Variants in SV2C observed in about 807,000 individuals in gnomAD.
SV2C encodes the protein solute carrier family 22 member B3.
A neutral mutation model predicts 79.7 loss-of-function variants in SV2C; 49 were observed. The ratio of observed to expected loss-of-function variants is 0.61; its 90% CI spans 0.49 to 0.78. The LOEUF (loss-of-function observed/expected upper bound fraction) is 0.78, where lower values mean the gene tolerates loss of function less well. Ranked by LOEUF, SV2C falls within the 30% of genes least tolerant of loss-of-function variation. The pLI, the probability that SV2C is intolerant of heterozygous loss-of-function variation, is 0.00. For synonymous variants in SV2C, 334 were observed against 333.2 expected, an observed-to-expected ratio of 1.00 and a Z score of -0.03; for missense variants, 833 against 912.9, an observed-to-expected ratio of 0.91 and a Z score of 1.13.
intron 1 of SV2C, among the ~76,000 whole-genome samples, chr5:76,101,142 G>A (rs1336499500): frequency 6.6e-6 from 1 of 152,098 alleles, no homozygotes. Context: ...GGTGATTTGG[G>A]GAGTGGCGAG....
At chr5:75,873,154 G>A in the SV2C span, among the ~76,000 whole-genome samples, 1 of 152,082 alleles carries the variant, frequency 6.6e-6, no homozygotes, top group Non-Finnish European at 1.5e-5. Flanking sequence ...ATGTAGTAAA[G>A]TGTGTGTTAA....
intron 4 of SV2C, among the ~76,000 whole-genome samples, chr5:76,266,550 C>A (rs1418584312): frequency 6.6e-6 from 1 of 152,152 alleles, no homozygotes; most frequent in Non-Finnish European, 1.5e-5. Flanking sequence ...GTGAAATAAG[C>A]CAGTCACAAA....
chr5:76,248,665 C>T (rs1287445346), intron 4 of SV2C, among the ~76,000 whole-genome samples: 1 of 150,828 alleles, frequency 6.6e-6, no homozygotes, highest in Non-Finnish European at 1.5e-5. Context: ...GTCACCCAGG[C>T]TGGAGTGCAG....
the SV2C span, chr5:75,911,000 A>C: frequency 1.0e-6 from 1 of 997,952 alleles, no homozygotes; most frequent in Non-Finnish European, 1.6e-6. Flanking sequence ...CAGTCCTCTT[A>C]CCTCACCTAC....
At chr5:76,262,776 T>C (rs1178913916) in intron 4 of SV2C, among the ~76,000 whole-genome samples, 2 of 152,240 alleles carry the variant, frequency 1.3e-5, no homozygotes, top group Non-Finnish European at 2.9e-5. Context: ...TCTAATTTGA[T>C]TGCACTGTGG....
At chr5:76,195,237 G>T (rs1281935485) in intron 3 of SV2C, 138 bp downstream of exon 3, 1 of 848,028 alleles carries the variant, frequency 1.2e-6, no homozygotes, top group Non-Finnish European at 1.8e-6. Flanking sequence ...AAACCACAAT[G>T]CTGGTTCTTA....
chr5:75,852,169 T>G, the SV2C span, among the ~76,000 whole-genome samples: 2 of 151,450 alleles, frequency 1.3e-5, no homozygotes, highest in Non-Finnish European at 2.9e-5. Context: ...TGTCAGGTGG[T>G]GGGGGGCTGG....
intron 2 of SV2C, among the ~76,000 whole-genome samples, chr5:76,177,114 C>CA (rs11429825): frequency 0.6 from 83,403 of 138,604 alleles, 25,855 homozygotes; most frequent in East Asian, 0.9. Flanking sequence ...GACTCTGTCT[C>CA]AAAAAAAAAA....
At chr5:76,278,365 C>CCTACGTGAGT (rs1163369763) in intron 4 of SV2C, among the ~76,000 whole-genome samples, 16 of 152,024 alleles carry the variant, frequency 1.1e-4, no homozygotes, top group Non-Finnish European at 1.6e-4. Flanking sequence ...ATAAAACAGG[C>CCTACGTGAGT]CTACGTGAGT....
At chr5:75,974,903 A>T in the SV2C span, among the ~76,000 whole-genome samples, 1 of 152,184 alleles carries the variant, frequency 6.6e-6, no homozygotes, top group Non-Finnish European at 1.5e-5. Context: ...AGATTTAAAA[A>T]TTGAGGCTTT....
intron 10 of SV2C, 49 bp from the exon 11 acceptor site, chr5:76,300,680 G>C: frequency 6.4e-7 from 1 of 1,573,294 alleles, no homozygotes; most frequent in Non-Finnish European, 8.7e-7. Context: ...TTATACTGGT[G>C]CATGCCTGGT....
At chr5:75,979,685 C>T in the SV2C span, among the ~76,000 whole-genome samples, 5 of 151,732 alleles carry the variant, frequency 3.3e-5, no homozygotes, top group African/African-American at 9.7e-5. Flanking sequence ...CTAATGAGAA[C>T]GAAGATACAA....
intron 2 of SV2C, among the ~76,000 whole-genome samples, chr5:76,163,723 A>G (rs888996472): frequency 6.6e-6 from 1 of 152,206 alleles, no homozygotes; most frequent in Non-Finnish European, 1.5e-5. Flanking sequence ...ATGAAAACCA[A>G]ATAAGACCTA....
the SV2C span, among the ~76,000 whole-genome samples, chr5:76,072,830 T>A: frequency 6.6e-6 from 1 of 152,238 alleles, no homozygotes; most frequent in Admixed American, 6.5e-5. Flanking sequence ...ATTGTGGTTT[T>A]GATTTGCATT....
At chr5:75,889,946 C>A in the SV2C span, among the ~76,000 whole-genome samples, 4 of 152,072 alleles carry the variant, frequency 2.6e-5, no homozygotes, top group Non-Finnish European at 5.9e-5. Flanking sequence ...CAGTCTTAAG[C>A]ATCACTAATC....
intron 4 of SV2C, among the ~76,000 whole-genome samples, chr5:76,223,444 C>CATATATATATATATATAT (rs70979384): frequency 1.3e-4 from 6 of 45,786 alleles, no homozygotes; most frequent in Non-Finnish European, 2.0e-4. Context: ...TACATACATA[C>CATATATATATATATATAT]ATATATATAT....
chr5:76,218,464 A>G (rs1324775044), intron 4 of SV2C, among the ~76,000 whole-genome samples: 1 of 152,208 alleles, frequency 6.6e-6, no homozygotes, highest in Non-Finnish European at 1.5e-5. Context: ...AGGGGCATGG[A>G]TGAAGCTAGA....
rs1749250806 is a variant in SV2C at position 76,333,827 on chromosome 5, A to T, written c.*8280A>T. 6.6e-6 allele frequency: 1 copy of T among 152,242 alleles called. No individual in the cohort carries two copies. The highest frequency in any genetic ancestry group is 2.4e-5 in the African/African-American group (1 of 41,458). The allele number at this position is 152,242 out of a possible 1,614,324, so 9.4% of individuals were successfully genotyped here. On this transcript the variant is annotated 3_prime_UTR_variant, in exon 13 of 13. Transcript: ENST00000502798. Reference sequence around the variant, plus strand: ...GATGGCTCGTGTACAGCATAAATCTATCAAACTTGGAATTGTGTATACATT... The same window carrying T: ...GATGGCTCGTGTACAGCATAAATCTTTCAAACTTGGAATTGTGTATACATT...
the SV2C span, among the ~76,000 whole-genome samples, chr5:75,920,125 A>G: frequency 6.6e-6 from 1 of 152,224 alleles, no homozygotes; most frequent in Non-Finnish European, 1.5e-5. Flanking sequence ...GAATCTATGG[A>G]CAGGAACTCT....
Sources: allele counts gnomAD v4.1 joint callset (sites outside exome capture counted in the v4.1 genomes callset), GRCh38; gene constraint gnomAD v4.1.1; transcripts MANE v1.5; gene names NCBI Gene and HGNC (gene_info 2026-07-23, HGNC 2026-07-21).